The following PKP2 variants were observed in gnomAD, a reference collection of about 807,000 sequenced individuals.
PKP2 encodes the protein plakophilin 2.
A neutral mutation model predicts 83.4 loss-of-function variants in PKP2; 73 were observed. The ratio of observed to expected loss-of-function variants is 0.88; its 90% confidence interval spans 0.72 to 1.06. PKP2 has a LOEUF of 1.06. Ranked by LOEUF, PKP2 falls within the 50% of genes least tolerant of loss-of-function variation. The pLI is 0.00. For missense variants in PKP2, 966 were observed against 1,065.4 expected (o/e 0.91, Z 1.30); for synonymous variants, 409 against 430.4 (o/e 0.95, Z 0.62).
chr12:32,875,478 AAGG>A (rs760794595), intron 3 of PKP2, among the ~76,000 whole-genome samples: 9 of 152,204 alleles, frequency 5.9e-5, no homozygotes, highest in Non-Finnish European at 1.2e-4. Flanking sequence ...AGAAGAGTAG[AAGG>A]AGAAGAGGCT....
intron 9 of PKP2, among the ~76,000 whole-genome samples, chr12:32,812,346 A>G (rs928760912): frequency 6.6e-6 from 1 of 152,076 alleles, no homozygotes; most frequent in Non-Finnish European, 1.5e-5. Flanking sequence ...GTAACATGGA[A>G]TCTGTGTTCA....
intron 9 of PKP2, among the ~76,000 whole-genome samples, chr12:32,803,931 A>G (rs1254093458): frequency 1.3e-5 from 2 of 152,172 alleles, no homozygotes; most frequent in Non-Finnish European, 2.9e-5. Flanking sequence ...CTGACTCTGA[A>G]TTCATGTACT....
At chr12:32,807,600 T>G (rs1236893219) in intron 9 of PKP2, among the ~76,000 whole-genome samples, 1 of 152,202 alleles carries the variant, frequency 6.6e-6, no homozygotes, top group African/African-American at 2.4e-5. Flanking sequence ...TGCAGACTTG[T>G]TTATGTGGTT....
chr12:32,852,540 ACT>A (rs1956709259), intron 4 of PKP2, among the ~76,000 whole-genome samples: 1 of 152,194 alleles, frequency 6.6e-6, no homozygotes, highest in African/African-American at 2.4e-5. Context: ...TCTCCCTCCT[ACT>A]TCTAACATTA....
Position 32,791,496 on chromosome 12 carries a change from C to A in PKP2, c.*928G>T, listed in dbSNP as rs1232276304. Reference sequence around the variant, plus strand: ...GCAGTCTGAGAGAAGGCCTTAGTTCCTCTTGCAGATAAAGATAGAGTCCAT... The same window carrying A: ...GCAGTCTGAGAGAAGGCCTTAGTTCATCTTGCAGATAAAGATAGAGTCCAT... On this transcript the variant is annotated 3_prime_UTR_variant, in exon 13 of 13. Coordinates refer to ENST00000340811, the MANE Select transcript of PKP2 (RefSeq NM_001005242.3). The A allele has an allele frequency of 6.6e-6, 1 of 152,162 alleles. No individual in the cohort carries two copies. Among genetic ancestry groups the A allele is most frequent in the African/African-American group, 2.4e-5 (1 of 41,418 alleles). The allele number at this position is 152,162 out of a possible 1,614,324, so 9.4% of individuals were successfully genotyped here.
chr12:32,860,902 C>T (rs1956792141), intron 4 of PKP2, among the ~76,000 whole-genome samples: 1 of 152,046 alleles, frequency 6.6e-6, no homozygotes, highest in African/African-American at 2.4e-5. Flanking sequence ...GTGGCATGCG[C>T]CTGTAATCCC....
At chr12:32,883,478 G>A (rs1415862298) in intron 1 of PKP2, among the ~76,000 whole-genome samples, 2 of 152,102 alleles carry the variant, frequency 1.3e-5, no homozygotes, top group Admixed American at 6.6e-5. Flanking sequence ...AGATGATATC[G>A]TGATGACCGT....
chr12:32,823,629 C>CA (rs1439306446), intron 7 of PKP2, among the ~76,000 whole-genome samples: 8 of 145,332 alleles, frequency 5.5e-5, no homozygotes, highest in African/African-American at 2.0e-4. Context: ...TTTTTTGAGA[C>CA]AGAGTCTTGC....
chr12:32,817,937 G>A (rs11052262), intron 9 of PKP2, among the ~76,000 whole-genome samples: 110,946 of 151,816 alleles, frequency 0.73, 41,531 homozygotes, highest in Non-Finnish European at 0.82. Context: ...GATTCTCATG[G>A]GGGCGCAAAC....
rs200266270 is a variant in PKP2, at chr12:32,796,317, AAC to A, written c.2168-21_2168-20del. On this transcript the variant is annotated intron_variant, in intron 10 of 12. Transcript: ENST00000340811. ...TCTTTGGCTACAAAATGAAAAAAAAAACAAAACACTTGATTAAAAAGATTGTT... is the reference window on the plus strand; with the variant it reads ...TCTTTGGCTACAAAATGAAAAAAAAAAAAACACTTGATTAAAAAGATTGTT... The A allele has an allele frequency of 0.013, 19,625 of 1,511,318 alleles. 35 individuals are homozygous for A. Among genetic ancestry groups the A allele is most frequent in the South Asian group, 0.047 (3,864 of 81,974 alleles). The allele number at this position is 1,511,318 out of a possible 1,614,324, so 93.6% of individuals were successfully genotyped here.
In PKP2 at chr12:32,869,011, T is replaced by C. The variant is rs376167178; in HGVS notation, c.1086A>G (p.Ala362=). ...TLERAVSMLE[A]DHMLPSRISA... is the part of the protein sequence containing the mutation. ...AAATCCTGGATGGCAGCATGTGGTC[T>C]GCCTCGAGCATACTCACTGCTCGCT... The change falls in exon 4 of 13, where the codon GCA becomes GCG. Residue 362 remains alanine, a synonymous_variant. Transcript: ENST00000340811. 2 of 1,613,876 alleles carry C rather than the reference T, an allele frequency of 1.2e-6. No individual in the cohort carries two copies. Among genetic ancestry groups the C allele is most frequent in the African/African-American group, 1.3e-5 (1 of 74,936 alleles).
At chr12:32,893,245 A>C (rs924800759) in intron 1 of PKP2, 5 of 152,216 alleles carry the variant, frequency 3.3e-5, no homozygotes, top group Admixed American at 6.5e-5. Context: ...ACAACTCAGA[A>C]TTCTCCAGGG....
chr12:32,830,775 G>T (rs112506258), intron 6 of PKP2, among the ~76,000 whole-genome samples: 33 of 152,068 alleles, frequency 2.2e-4, no homozygotes, highest in African/African-American at 8.0e-4. Flanking sequence ...GTGTAGTAGC[G>T]CATGCCTGTA....
chr12:32,819,308 CAATACAATAAAATAA>C (rs1338962817), intron 9 of PKP2, among the ~76,000 whole-genome samples: 1 of 69,456 alleles, frequency 1.4e-5, no homozygotes, highest in African/African-American at 3.4e-5. Context: ...CAATACAATA[CAATACAATAAAATAA>C]AATAAAATAA....
chr12:32,853,742 C>T (rs771769377), intron 4 of PKP2, among the ~76,000 whole-genome samples: 10 of 152,154 alleles, frequency 6.6e-5, no homozygotes, highest in Middle Eastern at 3.2e-3. Flanking sequence ...AACTCCCAAC[C>T]TCAGGTGATC....
rs151264959 is a variant in PKP2 at position 32,796,113 on chromosome 12, C to T, written c.2353G>A (p.Asp785Asn). The T allele has an allele frequency of 2.5e-4, 398 of 1,613,564 alleles. No homozygotes were observed. The African/African-American group carries it at 4.7e-3, about 19-fold the overall frequency. Residue 785 changes from aspartate to asparagine, a missense_variant, in exon 11 of 13, where the codon GAT (aspartate) becomes AAT (asparagine). Transcript: ENST00000340811. ...IQKIMAISAGDAYASNKASKA... is the reference protein window; with the variant it reads ...IQKIMAISAGNAYASNKASKA... ...GGGCAGAACTGAAGGACTTACGCAT[C>T]GCCTGCACTAATGGCCATAATTTTC...
chr12:32,860,665 CA>C (rs1956789955), intron 4 of PKP2, among the ~76,000 whole-genome samples: 1 of 152,128 alleles, frequency 6.6e-6, no homozygotes, highest in Non-Finnish European at 1.5e-5. Context: ...ACCACCATGG[CA>C]CATGTATACC....
intron 10 of PKP2, among the ~76,000 whole-genome samples, chr12:32,797,560 C>CTTTTTTT (rs751510872): frequency 1.5e-5 from 2 of 132,764 alleles, no homozygotes; most frequent in Non-Finnish European, 1.6e-5. Flanking sequence ...GAACTAAAAT[C>CTTTTTTT]TTTTTTTTTT....
At chr12:32,859,224 T>C (rs185985193) in intron 4 of PKP2, among the ~76,000 whole-genome samples, 2 of 152,318 alleles carry the variant, frequency 1.3e-5, no homozygotes, top group African/African-American at 4.8e-5. Context: ...AAAGACTAGA[T>C]AAAGGTGAAA....
Sources: gnomAD v4.1 joint callset for allele counts (sites outside exome capture counted in the v4.1 genomes callset) on GRCh38, gnomAD v4.1.1 for gene constraint, MANE v1.5 for transcripts, NCBI Gene and HGNC (gene_info 2026-07-23, HGNC 2026-07-21) for gene names.